The following MAD1L1 variants were observed in gnomAD, a reference collection of about 807,000 sequenced individuals.
MAD1L1 encodes mitotic spindle assembly checkpoint protein MAD1.
Under a neutral mutation model 96.9 loss-of-function variants are expected in MAD1L1, and 95 were observed. That is an observed-to-expected ratio of 0.98 (90% CI 0.83 to 1.16). The LOEUF is 1.16. Ranked by LOEUF, MAD1L1 falls within the 50% of genes most tolerant of loss-of-function variation. MAD1L1 has a pLI of 0.00. For missense variants in MAD1L1, 1,007 were observed against 954.4 expected, an observed-to-expected ratio of 1.06 and a Z score of -0.73; for synonymous variants, 473 against 396.6, an observed-to-expected ratio of 1.19 and a Z score of -2.29.
intron 11 of MAD1L1, among the ~76,000 whole-genome samples, chr7:2,132,877 AG>A (rs1788584692): frequency 6.6e-6 from 1 of 152,232 alleles, no homozygotes; most frequent in Non-Finnish European, 1.5e-5. Flanking sequence ...AGGACCTGAG[AG>A]GAGGGGTTTG....
chr7:2,056,455 G>A (rs536256944), intron 12 of MAD1L1, among the ~76,000 whole-genome samples: 7 of 152,170 alleles, frequency 4.6e-5, no homozygotes, highest in African/African-American at 1.4e-4. Flanking sequence ...ACACCCTCAG[G>A]GGAGGGAGGA....
At chr7:1,828,526 C>T (rs542454253) in intron 18 of MAD1L1, among the ~76,000 whole-genome samples, 5 of 152,344 alleles carry the variant, frequency 3.3e-5, no homozygotes, top group Non-Finnish European at 4.4e-5. Flanking sequence ...GCGAACTAGG[C>T]GGCTCCAGGG....
chr7:2,126,684 T>G (rs3778983), intron 11 of MAD1L1, among the ~76,000 whole-genome samples: 52,052 of 152,080 alleles, frequency 0.34, 10,015 homozygotes, highest in East Asian at 0.59. Context: ...CGGCCTCTTC[T>G]GTCACTCAGA....
rs144143844 is a variant in MAD1L1 at position 1,851,717 on chromosome 7, G to A, written c.1999-35489C>T. On this transcript the variant is annotated intron_variant, in intron 18 of 18. Transcript: ENST00000265854. ...TGGGGACACAGCCTTCAGTGCCGGC[G>A]ACCTCTGCTTTCTCAGGAACAGGCA... 1.2e-4 allele frequency among the ~76,000 whole-genome samples: 18 copies of A among 152,316 alleles called. No individual in the cohort carries two copies. In the East Asian group the frequency reaches 3.5e-3, roughly 29 times the overall value.
intron 10 of MAD1L1, among the ~76,000 whole-genome samples, chr7:2,210,235 G>A (rs964365163): frequency 9.9e-5 from 15 of 152,120 alleles, no homozygotes; most frequent in African/African-American, 1.9e-4. Flanking sequence ...ACTGAGCACC[G>A]CTAATTTTTG....
intron 13 of MAD1L1, among the ~76,000 whole-genome samples, chr7:2,003,448 A>G (rs1199539121): frequency 1.1e-4 from 16 of 152,070 alleles, no homozygotes; most frequent in Non-Finnish European, 4.4e-5. Flanking sequence ...TCTGCAGACC[A>G]TGGGCCCCCA....
chr7:1,946,625 A>C (rs949173666), intron 16 of MAD1L1, among the ~76,000 whole-genome samples: 13 of 152,244 alleles, frequency 8.5e-5, no homozygotes, highest in African/African-American at 2.7e-4. Context: ...TGGTGCTGCT[A>C]CCCAGCGCGG....
chr7:2,028,811 G>A (rs1042239940), intron 12 of MAD1L1, among the ~76,000 whole-genome samples: 8 of 152,190 alleles, frequency 5.3e-5, no homozygotes, highest in Admixed American at 6.5e-5. Context: ...TGGCACAGGC[G>A]GAAGGAGCAG....
In MAD1L1 at chr7:2,120,093, G is replaced by A. The variant is rs181312437; in HGVS notation, c.1073+29059C>T. ...CCTTTTCACTCCTCCAAATGAAGTG[G>A]AGCCTCCTGCAGTCCCACGCCCCAC... On this transcript the variant is annotated intron_variant, in intron 11 of 18. Coordinates refer to ENST00000265854, the MANE Select transcript of MAD1L1 (RefSeq NM_001013836.2). 1.6e-4 allele frequency among the ~76,000 whole-genome samples: 25 copies of A among 152,304 alleles called. No individual in the cohort carries two copies. The East Asian group carries it at 4.6e-3, about 28-fold the overall frequency.
At chr7:1,874,912 G>A (rs554805582) in intron 18 of MAD1L1, among the ~76,000 whole-genome samples, 1 of 152,252 alleles carries the variant, frequency 6.6e-6, no homozygotes, top group African/African-American at 2.4e-5. Flanking sequence ...CCTGGCCATA[G>A]GCACCCTGCA....
intron 16 of MAD1L1, among the ~76,000 whole-genome samples, chr7:1,948,912 G>A (rs553232652): frequency 2.0e-4 from 30 of 152,334 alleles, no homozygotes; most frequent in Non-Finnish European, 3.7e-4. Flanking sequence ...CCTGAACAGA[G>A]ACGAGATGCA....
chr7:2,146,748 G>A lies in MAD1L1; in HGVS notation c.1073+2404C>T, dbSNP rs755567533. Reference sequence around the variant, plus strand: ...ACCGTGGCCTCCCATCTTCTGCCATGCCGCCTCCTTCACGCTCATCTGAAT... The same window carrying A: ...ACCGTGGCCTCCCATCTTCTGCCATACCGCCTCCTTCACGCTCATCTGAAT... On this transcript the variant is annotated intron_variant, in intron 11 of 18. Coordinates refer to ENST00000265854, the MANE Select transcript of MAD1L1 (RefSeq NM_001013836.2). This position sits in a 1 kb window ranked among gnomAD's most constrained non-coding sequence, Gnocchi z 6.2. Among the ~76,000 whole-genome samples the A allele has an allele frequency of 6.6e-6, 1 of 152,216 alleles. No homozygotes were observed. Among genetic ancestry groups the A allele is most frequent in the Non-Finnish European group, 1.5e-5 (1 of 68,040 alleles).
At chr7:1,987,280 T>C (rs1252162204) in intron 14 of MAD1L1, among the ~76,000 whole-genome samples, 2 of 152,176 alleles carry the variant, frequency 1.3e-5, no homozygotes, top group Non-Finnish European at 2.9e-5. Context: ...GTGGTAACCA[T>C]GTAGGGCCCC....
intron 17 of MAD1L1, among the ~76,000 whole-genome samples, chr7:1,924,267 C>T (rs539093850): frequency 4.6e-5 from 7 of 152,218 alleles, no homozygotes; most frequent in African/African-American, 1.4e-4. Flanking sequence ...GTCCTTCTCG[C>T]GGCAGGGTGG....
chr7:2,225,735 G>C, intron 3 of MAD1L1, 185 bp from the exon 4 acceptor site: 1 of 630,026 alleles, frequency 1.6e-6, no homozygotes, highest in South Asian at 2.0e-5. Context: ...ACGGGAAGGT[G>C]AAAAAGCCTG....
intron 18 of MAD1L1, among the ~76,000 whole-genome samples, chr7:1,897,900 C>T (rs768882988): frequency 1.8e-4 from 28 of 152,214 alleles, no homozygotes; most frequent in African/African-American, 6.0e-4. Flanking sequence ...CGCCTACGGC[C>T]GCAGCCCTCA....
intron 12 of MAD1L1, among the ~76,000 whole-genome samples, chr7:2,015,144 C>A (rs1782478723): frequency 1.3e-5 from 2 of 152,230 alleles, no homozygotes; most frequent in Non-Finnish European, 2.9e-5. Flanking sequence ...CCTGGGACCT[C>A]TGCCCGGACC....
chr7:2,053,022 C>T (rs958481999), intron 12 of MAD1L1, among the ~76,000 whole-genome samples: 1 of 152,222 alleles, frequency 6.6e-6, no homozygotes, highest in African/African-American at 2.4e-5. Context: ...GCCTCCAGTG[C>T]CTGCATCTGA....
intron 17 of MAD1L1, among the ~76,000 whole-genome samples, chr7:1,908,277 G>T (rs1787800860): frequency 6.6e-6 from 1 of 152,216 alleles, no homozygotes; most frequent in African/African-American, 2.4e-5. Context: ...AGGGAACAAT[G>T]TCTGGAACCC....
Sources: gnomAD v4.1 joint callset for allele counts (sites outside exome capture counted in the v4.1 genomes callset) on GRCh38, gnomAD v4.1.1 for gene constraint, Gnocchi (gnomAD v3.1) non-coding constraint, MANE v1.5 for transcripts, NCBI Gene and HGNC (gene_info 2026-07-23, HGNC 2026-07-21) for gene names.